Variants in SLIT3 observed in about 807,000 individuals in gnomAD.
SLIT3 encodes slit homolog 3 protein.
A neutral mutation model predicts 184.0 loss-of-function variants in SLIT3; 68 were observed. The observed-to-expected ratio is 0.37, with a 90% CI of 0.30 to 0.45. The LOEUF (loss-of-function observed/expected upper bound fraction) is 0.45, where lower values mean the gene tolerates loss of function less well. Ranked by LOEUF, SLIT3 falls within the 20% of genes least tolerant of loss-of-function variation. The pLI, the probability that SLIT3 is intolerant of heterozygous loss-of-function variation, is 1.00. For missense variants in SLIT3, 1,707 were observed against 2,026.0 expected (o/e 0.84, Z 3.02); for synonymous variants, 831 against 828.6 (o/e 1.00, Z -0.05).
At chr5:169,199,166 G>T (rs1180377978) in intron 3 of SLIT3, among the ~76,000 whole-genome samples, 1 of 152,092 alleles carries the variant, frequency 6.6e-6, no homozygotes, top group East Asian at 1.9e-4. Context: ...AAGGATAACA[G>T]TGCAGCTGAA....
intron 5 of SLIT3, among the ~76,000 whole-genome samples, chr5:168,867,925 A>G (rs1055245952): frequency 1.3e-5 from 2 of 152,240 alleles, no homozygotes; most frequent in African/African-American, 4.8e-5. Flanking sequence ...GGCATGATCT[A>G]TATCAGAGGC....
intron 4 of SLIT3, among the ~76,000 whole-genome samples, chr5:168,923,328 C>A (rs1233334430): frequency 1.3e-5 from 2 of 152,034 alleles, no homozygotes; most frequent in Admixed American, 6.6e-5. Flanking sequence ...CCACCAAATT[C>A]TAGCATTTCT....
chr5:168,730,916 A>G (rs987987922), intron 20 of SLIT3, among the ~76,000 whole-genome samples: 1 of 152,008 alleles, frequency 6.6e-6, no homozygotes, highest in Non-Finnish European at 1.5e-5. Context: ...AACAAAACAG[A>G]AAAGAAATAA....
At chr5:169,112,501 TG>T (rs1477710207) in intron 4 of SLIT3, among the ~76,000 whole-genome samples, 1 of 152,232 alleles carries the variant, frequency 6.6e-6, no homozygotes. Flanking sequence ...CTGGAGGCTC[TG>T]GGGTCAGCAT....
intron 4 of SLIT3, among the ~76,000 whole-genome samples, chr5:168,904,457 G>C (rs1372636460): frequency 6.6e-6 from 1 of 150,774 alleles, no homozygotes; most frequent in Non-Finnish European, 1.5e-5. Context: ...TCCTCTGTGG[G>C]GCTAATCCAG....
In SLIT3 at chr5:168,908,779, C is replaced by A. The variant is rs181722521; in HGVS notation, c.414-25443G>T. On this transcript the variant is annotated intron_variant, in intron 4 of 35. Transcript: ENST00000519560. ...GCTAGACAATAAGGTTCACTGCAAC[C>A]TTTATTACCCTATACCATCTATTAC... Among the ~76,000 whole-genome samples, 6 of 152,294 alleles carry A rather than the reference C, an allele frequency of 3.9e-5. No individual in the cohort carries two copies. In the East Asian group the frequency reaches 7.7e-4, roughly 20 times the overall value.
rs1325556611 is a variant in SLIT3 at position 168,669,847 on chromosome 5, G to A, written c.4272C>T (p.Ile1424=). 1.2e-6 allele frequency: 2 copies of A among 1,614,078 alleles called. No homozygotes were observed. Among genetic ancestry groups the A allele is most frequent in the African/African-American group, 1.3e-5 (1 of 74,936 alleles). The change falls in exon 35 of 36, where the codon ATC becomes ATT. Residue 1424 remains isoleucine (I), a synonymous_variant. Transcript: ENST00000519560. ...GGCAGTAGGGCTCCCCTTGGTCTGA[G>A]ATGTGGCACTGCCCATGGTGACACT... The part of the protein sequence containing the change: ...AFKCHHGQCH[I]SDQGEPYCLC...
chr5:168,981,532 C>A (rs975240942), intron 4 of SLIT3, among the ~76,000 whole-genome samples: 2 of 152,122 alleles, frequency 1.3e-5, no homozygotes, highest in Non-Finnish European at 2.9e-5. Context: ...ACCAGAGGAG[C>A]CAAGAGTAGA....
intron 4 of SLIT3, among the ~76,000 whole-genome samples, chr5:168,971,544 A>G (rs553027483): frequency 2.6e-5 from 4 of 152,342 alleles, no homozygotes; most frequent in African/African-American, 9.6e-5. Context: ...AACAGACTTC[A>G]TAACTGCACC....
At chr5:169,116,098 T>G (rs762361235) in intron 4 of SLIT3, among the ~76,000 whole-genome samples, 3 of 152,146 alleles carry the variant, frequency 2.0e-5, no homozygotes, top group Admixed American at 6.5e-5. Flanking sequence ...GGCTTCTCTG[T>G]GAGAGATGAG....
intron 10 of SLIT3, chr5:168,791,914 G>T (rs955509531): frequency 2.0e-5 from 3 of 152,016 alleles, no homozygotes; most frequent in African/African-American, 7.3e-5. Flanking sequence ...TCACCCCACC[G>T]GCCTCTGAAC....
chr5:168,859,629 A>G (rs1383016082), intron 5 of SLIT3, among the ~76,000 whole-genome samples: 1 of 152,244 alleles, frequency 6.6e-6, no homozygotes, highest in East Asian at 1.9e-4. Context: ...CAGAGCACTT[A>G]GAGACTCTGA....
chr5:168,941,100 C>T (rs1762317701), intron 4 of SLIT3, among the ~76,000 whole-genome samples: 1 of 152,128 alleles, frequency 6.6e-6, no homozygotes, highest in African/African-American at 2.4e-5. Flanking sequence ...TTTGTTTCTC[C>T]TTATTTTATT....
chr5:168,753,785 C>G, intron 17 of SLIT3, 79 bp downstream of exon 17: 1 of 1,522,146 alleles, frequency 6.6e-7, no homozygotes, highest in Non-Finnish European at 8.9e-7. Flanking sequence ...GTCCCACTTG[C>G]CTTCGTAGTC....
intron 3 of SLIT3, among the ~76,000 whole-genome samples, chr5:169,207,372 C>CATACATACAT (rs35504412): frequency 1.6e-5 from 1 of 62,446 alleles, no homozygotes; most frequent in Non-Finnish European, 4.0e-5. Context: ...CACATACATA[C>CATACATACAT]ACACACACAC....
At chr5:168,807,760 T>C (rs577972808) in intron 8 of SLIT3, among the ~76,000 whole-genome samples, 165 of 152,230 alleles carry the variant, frequency 1.1e-3, no homozygotes, top group Non-Finnish European at 1.7e-3. Context: ...TGATTTTTGG[T>C]TTGGCCCCTG....
At chr5:169,176,931 G>C (rs1214934400) in intron 4 of SLIT3, among the ~76,000 whole-genome samples, 1 of 152,202 alleles carries the variant, frequency 6.6e-6, no homozygotes, top group Non-Finnish European at 1.5e-5. Context: ...TCCAGAGGCA[G>C]AGCCCATGAA....
At chr5:169,121,149 A>G (rs995222070) in intron 4 of SLIT3, among the ~76,000 whole-genome samples, 7 of 152,162 alleles carry the variant, frequency 4.6e-5, no homozygotes, top group Non-Finnish European at 8.8e-5. Flanking sequence ...ACTCTTCGAT[A>G]TGGTCATTCT....
chr5:168,859,084 C>T (rs766307147), intron 5 of SLIT3, among the ~76,000 whole-genome samples: 35 of 152,156 alleles, frequency 2.3e-4, no homozygotes, highest in Non-Finnish European at 4.3e-4. Flanking sequence ...TCAGCACTAA[C>T]GTTTCCTTTG....
Sources: allele counts gnomAD v4.1 joint callset (sites outside exome capture counted in the v4.1 genomes callset), GRCh38; gene constraint gnomAD v4.1.1; transcripts MANE v1.5; gene names NCBI Gene and HGNC (gene_info 2026-07-23, HGNC 2026-07-21).